Variants in CCDC14 observed in about 807,000 individuals in gnomAD.
CCDC14 encodes the protein coiled-coil domain-containing protein 14.
Under a neutral mutation model 81.4 loss-of-function variants are expected in CCDC14, and 71 were observed. The observed-to-expected ratio is 0.87, with a 90% CI of 0.72 to 1.06. CCDC14 has a LOEUF of 1.06. Ranked by LOEUF, CCDC14 falls within the 50% of genes least tolerant of loss-of-function variation. The probability of loss-of-function intolerance (pLI) is 0.00; values close to 1 mark genes in which losing one functional copy is unlikely to be tolerated. For missense variants in CCDC14, 1,046 were observed against 1,047.3 expected, an observed-to-expected ratio of 1.00 and a Z score of 0.02; for synonymous variants, 332 against 364.8, an observed-to-expected ratio of 0.91 and a Z score of 1.03.
downstream of CCDC14, among the ~76,000 whole-genome samples, chr3:123,895,425 G>A (rs530371287): frequency 2.6e-5 from 4 of 152,318 alleles, no homozygotes; most frequent in Admixed American, 2.6e-4. Context: ...GCTCATGAAT[G>A]TACTAAATCT....
At chr3:123,919,207 G>A (rs1280023904) in intron 12 of CCDC14, among the ~76,000 whole-genome samples, 2 of 152,202 alleles carry the variant, frequency 1.3e-5, no homozygotes, top group Non-Finnish European at 2.9e-5. Context: ...TGTACATATA[G>A]TTTCCTGAGG....
intron 12 of CCDC14, among the ~76,000 whole-genome samples, chr3:123,923,666 T>C (rs1384773864): frequency 6.6e-6 from 1 of 151,390 alleles, no homozygotes; most frequent in African/African-American, 2.4e-5. Context: ...AAAAACAAAG[T>C]AAAATACTTC....
chr3:123,955,866 G>A lies in CCDC14; in HGVS notation c.329C>T (p.Pro110Leu). 2 of 1,530,442 alleles carry A rather than the reference G, an allele frequency of 1.3e-6. No homozygotes were observed. The highest frequency in any genetic ancestry group is 1.8e-6 in the Non-Finnish European group (2 of 1,136,868). 94.8% of individuals were successfully genotyped at this position (1,530,442 alleles called of 1,614,324 possible). The part of the protein sequence containing the change: ...KKKRHEKHTI[P>L]LVVQKETSSS... ...ACATGTTTCTTTCTGGACTACCAAAGGAATAGTATGTTTTTCATGTCTTTT... is the reference window on the plus strand; with the variant it reads ...ACATGTTTCTTTCTGGACTACCAAAAGAATAGTATGTTTTTCATGTCTTTT... The change falls in exon 5 of 13, where the codon CCT (proline) becomes CTT (leucine). Residue 110 changes from proline (P) to leucine (L), a missense_variant. Coordinates refer to ENST00000409697, the MANE Select transcript of CCDC14 (RefSeq NM_001366335.1).
In CCDC14 at chr3:123,914,684, T is replaced by C. The variant is rs2034555593; in HGVS notation, c.*95A>G. ...GTACAATATATTACTTCACACATAA[T>C]AACATAAAACATCATTTCACTAAAG... On this transcript the variant is annotated 3_prime_UTR_variant, in exon 13 of 13. Coordinates refer to ENST00000409697, the MANE Select transcript of CCDC14 (RefSeq NM_001366335.1). 2 of 1,440,822 alleles carry C rather than the reference T, an allele frequency of 1.4e-6. No individual in the cohort carries two copies. 89.3% of individuals were successfully genotyped at this position (1,440,822 alleles called of 1,614,324 possible). A position where few individuals can be genotyped will look rare whatever the true frequency, so the allele number is the denominator to read the frequency against.
intron 9 of CCDC14, among the ~76,000 whole-genome samples, chr3:123,934,289 A>C (rs1392799196): frequency 6.8e-6 from 1 of 146,400 alleles, no homozygotes; most frequent in Non-Finnish European, 1.5e-5. Flanking sequence ...AAAAAAAAAA[A>C]AAAAAACCCT....
At chr3:123,898,606 C>T (rs563994958) in intron 5 of CCDC14, among the ~76,000 whole-genome samples, 19 of 151,722 alleles carry the variant, frequency 1.3e-4, no homozygotes, top group Non-Finnish European at 2.2e-4. Context: ...GATGGTGGTC[C>T]GGATTATCTA....
downstream of CCDC14, among the ~76,000 whole-genome samples, chr3:123,894,430 G>C (rs1486270319): frequency 5.3e-5 from 8 of 152,098 alleles, no homozygotes; most frequent in African/African-American, 1.7e-4. Flanking sequence ...GATTGTTTTA[G>C]CTATTGGGGG....
At chr3:123,912,508 A>G (rs1338331432), downstream of CCDC14, among the ~76,000 whole-genome samples, 1 of 152,180 alleles carries the variant, frequency 6.6e-6, no homozygotes, top group East Asian at 1.9e-4. Context: ...TGATTTTTCT[A>G]TCCTCTGTAG....
At chr3:123,909,239 A>G (rs2034388490), downstream of CCDC14, among the ~76,000 whole-genome samples, 1 of 152,184 alleles carries the variant, frequency 6.6e-6, no homozygotes, top group African/African-American at 2.4e-5. Flanking sequence ...AGCGGCTGAC[A>G]ACATTTCTTG....
At chr3:123,944,699 A>T in intron 9 of CCDC14, 150 bp downstream of exon 9, 1 of 541,414 alleles carries the variant, frequency 1.8e-6, no homozygotes, top group Non-Finnish European at 3.1e-6. Context: ...GAATGCTGGA[A>T]ATCTCTGAAA....
intron 5 of CCDC14, among the ~76,000 whole-genome samples, chr3:123,951,306 T>A (rs1487430454): frequency 2.0e-5 from 3 of 152,124 alleles, no homozygotes; most frequent in South Asian, 2.1e-4. Flanking sequence ...AGTAAATATA[T>A]CATATTCATA....
chr3:123,926,370 A>G (rs1042425490), intron 12 of CCDC14, among the ~76,000 whole-genome samples: 2 of 151,858 alleles, frequency 1.3e-5, no homozygotes, highest in African/African-American at 2.4e-5. Flanking sequence ...TAATTCAGCT[A>G]AAGACACTGA....
rs1471622744 is a variant in CCDC14 at position 123,915,731 on chromosome 3, A to G, written c.1779-13T>C. On this transcript the variant is annotated splice_polypyrimidine_tract_variant and intron_variant, in intron 12 of 12. Coordinates refer to ENST00000409697, the MANE Select transcript of CCDC14 (RefSeq NM_001366335.1). Reference sequence around the variant, plus strand: ...AGTCTGTAAAGTTCTGTTAAGAAGAATCCAGAACACTAATTATTATTTTTT... The same window carrying G: ...AGTCTGTAAAGTTCTGTTAAGAAGAGTCCAGAACACTAATTATTATTTTTT... 6.5e-7 allele frequency: 1 copy of G among 1,542,834 alleles called. No individual in the cohort carries two copies. The highest frequency in any genetic ancestry group is 1.4e-5 in the African/African-American group (1 of 72,222).
chr3:123,944,940 C>T lies in CCDC14; in HGVS notation c.1252G>A (p.Val418Ile). Residue 418 changes from valine (V) to isoleucine (I), a missense_variant, in exon 9 of 13, where the codon GTA becomes ATA. Coordinates refer to ENST00000409697, the MANE Select transcript of CCDC14 (RefSeq NM_001366335.1). The part of the protein sequence containing the change: ...LITEMEACIS[V>I]LPTVSGNTDI... Reference sequence around the variant, plus strand: ...GTGTTTCCACTTACTGTTGGAAGTACAGATATACATGCCTCCATTTCTGTA... The same window carrying T: ...GTGTTTCCACTTACTGTTGGAAGTATAGATATACATGCCTCCATTTCTGTA... 6.2e-7 allele frequency: 1 copy of T among 1,610,894 alleles called. No individual in the cohort carries two copies. Among genetic ancestry groups the T allele is most frequent in the Non-Finnish European group, 8.5e-7 (1 of 1,177,752 alleles).
At chr3:123,897,407 T>C, downstream of CCDC14, 1 of 159,922 alleles carries the variant, frequency 6.3e-6, no homozygotes, top group African/African-American at 2.4e-5. Context: ...ATGTTACAAA[T>C]AAGTTTAAAA....
At chr3:123,893,121 A>C (rs2148751703), downstream of CCDC14, among the ~76,000 whole-genome samples, 1 of 152,266 alleles carries the variant, frequency 6.6e-6, no homozygotes, top group East Asian at 1.9e-4. Context: ...ACCATTTTTA[A>C]AGTATACAAT....
intron 12 of CCDC14, among the ~76,000 whole-genome samples, chr3:123,922,453 C>G (rs1459241626): frequency 1.3e-5 from 2 of 151,642 alleles, no homozygotes; most frequent in African/African-American, 4.8e-5. Context: ...GAGAAATAAA[C>G]AAAATTGACA....
rs1182226249 is a variant in CCDC14, at chr3:123,915,227, G to C, written c.2270C>G (p.Ala757Gly). 6 of 1,613,590 alleles carry C rather than the reference G, an allele frequency of 3.7e-6. No homozygotes were observed. The highest frequency in any genetic ancestry group is 5.1e-6 in the Non-Finnish European group (6 of 1,179,768). ...GTTGCTGACTAGCTGTGTTGTAGCT[G>C]CTCTTATTTGTGGCTGAGGGGATAG... ...KRLSPQPQIR[A>G]ATTQLVSNSG... The change falls in exon 13 of 13, where the codon GCA becomes GGA. Residue 757 changes from alanine to glycine, a missense_variant. Transcript: ENST00000409697.
downstream of CCDC14, among the ~76,000 whole-genome samples, chr3:123,894,625 T>G (rs1358842190): frequency 1.3e-5 from 2 of 152,180 alleles, no homozygotes; most frequent in Admixed American, 6.5e-5. Flanking sequence ...TTTAATTTCT[T>G]TTTAGCAATA....
Sources: allele counts gnomAD v4.1 joint callset (sites outside exome capture counted in the v4.1 genomes callset), GRCh38; gene constraint gnomAD v4.1.1; transcripts MANE v1.5; gene names NCBI Gene and HGNC (gene_info 2026-07-23, HGNC 2026-07-21).